Variants in PDE7B observed in about 807,000 individuals in gnomAD.
The protein encoded by PDE7B is phosphodiesterase 7B.
A neutral mutation model predicts 56.2 loss-of-function variants in PDE7B; 29 were observed. The observed-to-expected ratio is 0.52, with a 90% CI of 0.38 to 0.70. The LOEUF is 0.70. PDE7B is among the 30% of genes least tolerant of loss of function. The probability of loss-of-function intolerance (pLI) is 0.00; values close to 1 mark genes in which losing one functional copy is unlikely to be tolerated. For missense variants in PDE7B, 490 were observed against 565.0 expected (o/e 0.87, Z 1.35); for synonymous variants, 197 against 196.9 (o/e 1.00, Z 0.00).
intron 1 of PDE7B, among the ~76,000 whole-genome samples, chr6:135,885,304 G>T (rs944571906): frequency 1.2e-4 from 17 of 146,748 alleles, no homozygotes; most frequent in African/African-American, 4.4e-4. Flanking sequence ...TTGTTTGTTT[G>T]TTTTTTGTTG....
chr6:136,023,647 T>C (rs2128208335), intron 2 of PDE7B, among the ~76,000 whole-genome samples: 1 of 152,328 alleles, frequency 6.6e-6, no homozygotes, highest in African/African-American at 2.4e-5. Context: ...TTTTTGACTC[T>C]ATCAGTCTCT....
At chr6:136,183,072 C>CAAAAAAAAAA (rs869296450) in intron 11 of PDE7B, among the ~76,000 whole-genome samples, 141 of 50,512 alleles carry the variant, frequency 2.8e-3, no homozygotes, top group African/African-American at 9.1e-3. Flanking sequence ...ACTCCGTCTC[C>CAAAAAAAAAA]AAAAAAAAAA....
chr6:135,906,827 T>TTTTTTTTTTTTTTTTTTG lies in PDE7B; in HGVS notation c.22-40628_22-40627insTTTTTTTTGTTTTTTTTT, dbSNP rs1554265693. The stretch of plus-strand genomic sequence containing the variant: ...TGAGGTTTGTTTTTTTTTTTTTTTT[T>TTTTTTTTTTTTTTTTTTG]TTTTTTTTTAATCCTCTAGGCTTTT... On this transcript the variant is annotated intron_variant, in intron 1 of 12. Coordinates refer to ENST00000308191, the MANE Select transcript of PDE7B (RefSeq NM_018945.4). Among the ~76,000 whole-genome samples, 10 of 133,544 alleles carry TTTTTTTTTTTTTTTTTTG rather than the reference T, an allele frequency of 7.5e-5. 2 individuals are homozygous for TTTTTTTTTTTTTTTTTTG. The highest frequency in any genetic ancestry group is 1.5e-4 in the Non-Finnish European group (9 of 61,236). The allele number at this position is 133,544 out of a possible 152,430, so 87.6% of individuals were successfully genotyped here.
chr6:136,060,914 C>G (rs1420770770), intron 2 of PDE7B, among the ~76,000 whole-genome samples: 1 of 152,140 alleles, frequency 6.6e-6, no homozygotes, highest in Non-Finnish European at 1.5e-5. Context: ...ATTGGCTGCT[C>G]TCTCAGTGAA....
intron 1 of PDE7B, among the ~76,000 whole-genome samples, chr6:135,903,926 T>C (rs1441651421): frequency 2.0e-5 from 3 of 152,236 alleles, no homozygotes; most frequent in Non-Finnish European, 4.4e-5. Context: ...AAGAAAGTAC[T>C]TTTCATTTTT....
intron 2 of PDE7B, among the ~76,000 whole-genome samples, chr6:136,023,315 G>A (rs1393063566): frequency 6.6e-6 from 1 of 152,162 alleles, no homozygotes; most frequent in Non-Finnish European, 1.5e-5. Context: ...CATAGACAAG[G>A]TGTGACAAGC....
At chr6:135,987,470 C>T (rs376921074) in intron 2 of PDE7B, among the ~76,000 whole-genome samples, 24 of 152,096 alleles carry the variant, frequency 1.6e-4, no homozygotes, top group East Asian at 1.2e-3. Context: ...ACACTGGCCT[C>T]GTGTTCATTC....
At chr6:135,929,725 G>T (rs1774259591) in intron 1 of PDE7B, among the ~76,000 whole-genome samples, 1 of 152,162 alleles carries the variant, frequency 6.6e-6, no homozygotes, top group African/African-American at 2.4e-5. Context: ...CCATCTGTGT[G>T]ATTGATGCCT....
chr6:135,894,717 C>T (rs17065077), intron 1 of PDE7B, among the ~76,000 whole-genome samples: 3,725 of 152,148 alleles, frequency 0.024, 155 homozygotes, highest in African/African-American at 0.083. Flanking sequence ...CACCCAGCTA[C>T]GTTGAAATGT....
At chr6:136,143,397 T>G (rs7748159) in intron 3 of PDE7B, among the ~76,000 whole-genome samples, 69,209 of 151,338 alleles carry the variant, frequency 0.46, 16,301 homozygotes, top group African/African-American at 0.59. Context: ...CAGGCTAGAG[T>G]CAGGGGAATG....
Position 135,886,982 on chromosome 6 carries a change from C to T in PDE7B, c.21+34963C>T, listed in dbSNP as rs187511217. On this transcript the variant is annotated intron_variant, in intron 1 of 12. Transcript: ENST00000308191. ...TGGTTGTACTAATTTACATTCCCACCAGCAGTATAAAAGTGTTCCCTTTTC... is the reference window on the plus strand; with the variant it reads ...TGGTTGTACTAATTTACATTCCCACTAGCAGTATAAAAGTGTTCCCTTTTC... Among the ~76,000 whole-genome samples, 110 of 152,210 alleles carry T rather than the reference C, an allele frequency of 7.2e-4. 2 individuals are homozygous for T. Among genetic ancestry groups the T allele is most frequent in the African/African-American group, 2.5e-3 (105 of 41,546 alleles).
intron 2 of PDE7B, among the ~76,000 whole-genome samples, chr6:135,975,661 G>A (rs1423517237): frequency 6.6e-6 from 1 of 150,468 alleles, no homozygotes; most frequent in Non-Finnish European, 1.5e-5. Flanking sequence ...TCAATGTTCT[G>A]GGCTTAAGAG....
At chr6:136,132,418 G>C (rs1778133461) in intron 3 of PDE7B, among the ~76,000 whole-genome samples, 1 of 152,130 alleles carries the variant, frequency 6.6e-6, no homozygotes, top group South Asian at 2.1e-4. Flanking sequence ...ATAATGAGCA[G>C]AGCATCATCT....
chr6:136,115,216 A>G (rs754709313), intron 3 of PDE7B, among the ~76,000 whole-genome samples: 1 of 152,222 alleles, frequency 6.6e-6, no homozygotes, highest in Non-Finnish European at 1.5e-5. Context: ...GTATAATAAC[A>G]GCATACATAA....
rs1467887828 is a variant in PDE7B at position 136,101,320 on chromosome 6, AAT to A, written c.83-7409_83-7408del. Among the ~76,000 whole-genome samples, 5 of 152,198 alleles carry A rather than the reference AAT, an allele frequency of 3.3e-5. No individual in the cohort carries two copies. The South Asian group carries it at 8.3e-4, about 25-fold the overall frequency. On this transcript the variant is annotated intron_variant, in intron 2 of 12. Coordinates refer to ENST00000308191, the MANE Select transcript of PDE7B (RefSeq NM_018945.4). The stretch of plus-strand genomic sequence containing the variant: ...CATTTCCTCTTTTTCTATTGATTGG[AAT>A]AGTTTCAGAATGAATGTTGCCAGCT...
intron 2 of PDE7B, among the ~76,000 whole-genome samples, chr6:136,025,021 A>C (rs1776129006): frequency 6.6e-6 from 1 of 152,166 alleles, no homozygotes; most frequent in Non-Finnish European, 1.5e-5. Flanking sequence ...TTAATGGGGG[A>C]AAAGTTCTAA....
chr6:135,911,202 C>A (rs1229389072), intron 1 of PDE7B, among the ~76,000 whole-genome samples: 1 of 152,182 alleles, frequency 6.6e-6, no homozygotes, highest in African/African-American at 2.4e-5. Context: ...TAAGCTGTCC[C>A]TATGAATCAT....
At chr6:135,924,996 GTTTT>G (rs5880270) in intron 1 of PDE7B, among the ~76,000 whole-genome samples, 1 of 133,818 alleles carries the variant, frequency 7.5e-6, no homozygotes, top group Non-Finnish European at 1.6e-5. Flanking sequence ...ATATTTGGGT[GTTTT>G]TTTTTTTTTT....
rs60877369 is a variant in PDE7B, at chr6:136,150,855, A to ATGTGTGTGTGTG, written c.383-301_383-290dup. ...TCTTTAAAAAAATACACATATACAC[A>ATGTGTGTGTGTG]TGTGTGTGTGTGTGTATGTGTATGT... On this transcript the variant is annotated intron_variant, in intron 5 of 12. Coordinates refer to ENST00000308191, the MANE Select transcript of PDE7B (RefSeq NM_018945.4). 5.7e-3 allele frequency among the ~76,000 whole-genome samples: 860 copies of ATGTGTGTGTGTG among 150,296 alleles called. 5 individuals carry two copies. The highest frequency in any genetic ancestry group is 0.017 in the Middle Eastern group (5 of 290).
Sources: gnomAD v4.1 joint callset for allele counts (sites outside exome capture counted in the v4.1 genomes callset) on GRCh38, gnomAD v4.1.1 for gene constraint, MANE v1.5 for transcripts, NCBI Gene and HGNC (gene_info 2026-07-23, HGNC 2026-07-21) for gene names.